The following BACE2 variants were observed in gnomAD, a reference collection of about 807,000 sequenced individuals.
BACE2 encodes the protein beta-secretase 2.
In BACE2, 17 loss-of-function variants were observed where a neutral mutation model predicts 46.2. The observed-to-expected ratio is 0.37, with a 90% CI of 0.25 to 0.55. The LOEUF (loss-of-function observed/expected upper bound fraction) is 0.55. Ranked by LOEUF, BACE2 falls within the 20% of genes least tolerant of loss-of-function variation. BACE2 has a pLI of 0.82. For synonymous variants in BACE2, 277 were observed against 295.9 expected, an observed-to-expected ratio of 0.94 and a Z score of 0.66; for missense variants, 595 against 698.1, an observed-to-expected ratio of 0.85 and a Z score of 1.66.
chr21:41,206,818 A>C (rs1471768634), intron 1 of BACE2, among the ~76,000 whole-genome samples: 1 of 152,230 alleles, frequency 6.6e-6, no homozygotes, highest in Non-Finnish European at 1.5e-5. Flanking sequence ...TTTTAGAAAA[A>C]ATGAATGTTA....
In BACE2 at chr21:41,256,455, A is replaced by G. The variant is rs760040503; in HGVS notation, c.1135-703A>G. On this transcript the variant is annotated intron_variant, in intron 7 of 8. Coordinates refer to ENST00000330333, the MANE Select transcript of BACE2 (RefSeq NM_012105.5). Reference sequence around the variant, plus strand: ...TTATGGCTGCATAGTATTCCATGGTATATATGAAGGCACCCTTTTAAATTC... The same window carrying G: ...TTATGGCTGCATAGTATTCCATGGTGTATATGAAGGCACCCTTTTAAATTC... Among the ~76,000 whole-genome samples, 2 of 152,124 alleles carry G rather than the reference A, an allele frequency of 1.3e-5. 1 individual carries two copies. Among genetic ancestry groups the G allele is most frequent in the Non-Finnish European group, 2.9e-5 (2 of 68,028 alleles).
intron 1 of BACE2, among the ~76,000 whole-genome samples, chr21:41,202,326 T>A (rs1985990379): frequency 6.6e-6 from 1 of 152,202 alleles, no homozygotes. Context: ...GACCAATGCT[T>A]GGAGGATTTC....
At chr21:41,182,728 C>G (rs140364207) in intron 1 of BACE2, 1 of 167,064 alleles carries the variant, frequency 6.0e-6, no homozygotes, top group Admixed American at 6.5e-5. Flanking sequence ...CTTACACAGA[C>G]CATCTACAAC....
Position 41,202,416 on chromosome 21 carries a change from G to A in BACE2, c.313-23850G>A, listed in dbSNP as rs1601261662. ...GCAGGAAACATTCTACACTCAACAA[G>A]CTGCCAGCCAGGTGGAAGAGGGCAT... On this transcript the variant is annotated intron_variant, in intron 1 of 8. Coordinates refer to ENST00000330333, the MANE Select transcript of BACE2 (RefSeq NM_012105.5). Among the ~76,000 whole-genome samples, 4 of 152,354 alleles carry A rather than the reference G, an allele frequency of 2.6e-5. No individual in the cohort carries two copies. In the South Asian group the frequency reaches 8.3e-4, roughly 32 times the overall value.
At chr21:41,244,416 T>A (rs1466252601) in intron 5 of BACE2, among the ~76,000 whole-genome samples, 2 of 151,938 alleles carry the variant, frequency 1.3e-5, no homozygotes, top group African/African-American at 2.4e-5. Context: ...GGGTAGGTAG[T>A]GGAAAATTAC....
rs1170682761 is a variant in BACE2, at chr21:41,281,480, C to G, written c.*5856C>G. 3 of 152,164 alleles carry G rather than the reference C, an allele frequency of 2.0e-5. No homozygotes were observed. The highest frequency in any genetic ancestry group is 7.2e-5 in the African/African-American group (3 of 41,444). 9.4% of individuals were successfully genotyped at this position (152,164 alleles called of 1,614,324 possible). A position where few individuals can be genotyped will look rare whatever the true frequency, so the allele number is the denominator to read the frequency against. On this transcript the variant is annotated 3_prime_UTR_variant, in exon 9 of 9. Transcript: ENST00000330333. ...CACAGACAGATAAGAATATCATAAGCAGGGAAGTGTCTCCAAAGGTCAGGA... is the reference window on the plus strand; with the variant it reads ...CACAGACAGATAAGAATATCATAAGGAGGGAAGTGTCTCCAAAGGTCAGGA...
chr21:41,265,051 A>G (rs547503042), intron 8 of BACE2, among the ~76,000 whole-genome samples: 1 of 151,882 alleles, frequency 6.6e-6, no homozygotes, highest in African/African-American at 2.4e-5. Context: ...TGTGACTTGG[A>G]TTTTCTTTAT....
intron 1 of BACE2, among the ~76,000 whole-genome samples, chr21:41,192,207 C>T (rs1985596304): frequency 6.6e-6 from 1 of 152,192 alleles, no homozygotes; most frequent in Admixed American, 6.5e-5. Flanking sequence ...ATCTGTGAAC[C>T]AAGTCCTAGT....
intron 1 of BACE2, chr21:41,180,978 C>T (rs1375864858): frequency 6.0e-6 from 1 of 167,102 alleles, no homozygotes; most frequent in Non-Finnish European, 1.5e-5. Flanking sequence ...GAGCCAAGTT[C>T]TTTAGCGTTA....
intron 1 of BACE2, chr21:41,184,168 T>C (rs1985265801): frequency 6.0e-6 from 1 of 167,074 alleles, no homozygotes; most frequent in African/African-American, 2.4e-5. Context: ...AGAAAATGTA[T>C]ACCCAGGAGA....
chr21:41,213,345 G>C (rs1601275322), intron 1 of BACE2, among the ~76,000 whole-genome samples: 1 of 152,216 alleles, frequency 6.6e-6, no homozygotes, highest in East Asian at 1.9e-4. Flanking sequence ...GACTTAGCAT[G>C]GGTCTCAAAG....
intron 7 of BACE2, among the ~76,000 whole-genome samples, chr21:41,253,342 T>G (rs1442122713): frequency 6.7e-6 from 1 of 150,062 alleles, no homozygotes; most frequent in Non-Finnish European, 1.5e-5. Flanking sequence ...CCTGGGAGGC[T>G]AAGGCAGGAG....
chr21:41,237,879 T>C (rs1987172066), intron 3 of BACE2, 150 bp downstream of exon 3: 1 of 637,410 alleles, frequency 1.6e-6, no homozygotes, highest in Non-Finnish European at 2.7e-6. Context: ...CACAATTATA[T>C]TTCCAAGCAT....
intron 1 of BACE2, among the ~76,000 whole-genome samples, chr21:41,205,330 C>T (rs1986091830): frequency 1.3e-5 from 2 of 152,132 alleles, no homozygotes; most frequent in Non-Finnish European, 2.9e-5. Context: ...AGCCCTTAAC[C>T]TTAATCAATA....
In BACE2 at chr21:41,227,868, G is replaced by A. The variant is rs142269525; in HGVS notation, c.401+1514G>A. 1.1e-4 allele frequency among the ~76,000 whole-genome samples: 17 copies of A among 152,218 alleles called. No individual in the cohort carries two copies. The East Asian group carries it at 3.1e-3, about 28-fold the overall frequency. ...GGTTTACGATGGCTTATGCTGCCCC[G>A]TCCCACTCAGATCTGTGATTCATCC... On this transcript the variant is annotated intron_variant, in intron 2 of 8. Transcript: ENST00000330333.
intron 1 of BACE2, among the ~76,000 whole-genome samples, chr21:41,219,585 G>T (rs996500792): frequency 7.2e-5 from 11 of 152,194 alleles, no homozygotes; most frequent in Admixed American, 2.6e-4. Context: ...AGCAGAAAAA[G>T]AGAGAACCCT....
At chr21:41,171,205 G>A (rs1304743602) in intron 1 of BACE2, among the ~76,000 whole-genome samples, 1 of 152,226 alleles carries the variant, frequency 6.6e-6, no homozygotes, top group Non-Finnish European at 1.5e-5. Flanking sequence ...CCGGAACTCC[G>A]TGCTGTTCCC....
At chr21:41,206,260 G>A (rs933175566) in intron 1 of BACE2, among the ~76,000 whole-genome samples, 4 of 152,146 alleles carry the variant, frequency 2.6e-5, no homozygotes, top group Non-Finnish European at 5.9e-5. Context: ...TCTTCAGATG[G>A]CAGAAAGAGG....
chr21:41,227,286 G>T (rs1259804898), intron 2 of BACE2, among the ~76,000 whole-genome samples: 10 of 152,212 alleles, frequency 6.6e-5, no homozygotes, highest in Non-Finnish European at 1.5e-5. Flanking sequence ...TTAGGGTCAT[G>T]AACCTTCTAG....
Sources: gnomAD v4.1 joint callset for allele counts (sites outside exome capture counted in the v4.1 genomes callset) on GRCh38, gnomAD v4.1.1 for gene constraint, MANE v1.5 for transcripts, NCBI Gene and HGNC (gene_info 2026-07-23, HGNC 2026-07-21) for gene names.